RGS7: variants seen among roughly 807,000 people sequenced by gnomAD.
RGS7 encodes the protein regulator of G-protein signaling 7.
A neutral mutation model predicts 81.1 loss-of-function variants in RGS7; 27 were observed. The ratio of observed to expected loss-of-function variants is 0.33; its 90% confidence interval spans 0.25 to 0.46. The LOEUF (loss-of-function observed/expected upper bound fraction) is 0.46, where lower values mean the gene tolerates loss of function less well. Among genes scored for constraint, RGS7 ranks in the 20% least tolerant of loss-of-function variants. The pLI is 1.00. For synonymous variants in RGS7, 208 were observed against 207.7 expected (o/e 1.00, Z -0.01); for missense variants, 396 against 607.4 (o/e 0.65, Z 3.66).
intron 2 of RGS7, among the ~76,000 whole-genome samples, chr1:241,141,357 T>C (rs1438016055): frequency 1.3e-5 from 2 of 152,186 alleles, no homozygotes; most frequent in Admixed American, 6.5e-5. Context: ...CTGTCACAAA[T>C]GCCACACTCA....
chr1:241,145,974 A>C (rs1346902415), intron 2 of RGS7, among the ~76,000 whole-genome samples: 1 of 152,172 alleles, frequency 6.6e-6, no homozygotes, highest in African/African-American at 2.4e-5. Context: ...TAAGGGGAGA[A>C]GCAATGGCAT....
At chr1:241,324,572 C>T (rs1558317471) in intron 2 of RGS7, among the ~76,000 whole-genome samples, 1 of 152,154 alleles carries the variant, frequency 6.6e-6, no homozygotes, top group East Asian at 1.9e-4. Context: ...TTCACAGTCA[C>T]CTCTAATTAA....
At chr1:241,326,839 G>A (rs986411462) in intron 2 of RGS7, among the ~76,000 whole-genome samples, 1 of 150,206 alleles carries the variant, frequency 6.7e-6, no homozygotes, top group Admixed American at 6.7e-5. Context: ...GAGCCCAGGA[G>A]GTTGAGGCTG....
chr1:241,027,529 G>A (rs970817946), intron 3 of RGS7, among the ~76,000 whole-genome samples: 7 of 152,134 alleles, frequency 4.6e-5, no homozygotes, highest in South Asian at 2.1e-4. Context: ...CCCAGGGTGC[G>A]TGGTATATGT....
chr1:241,228,736 G>A (rs185376632), intron 2 of RGS7, among the ~76,000 whole-genome samples: 179 of 152,124 alleles, frequency 1.2e-3, no homozygotes, highest in Non-Finnish European at 2.0e-3. Flanking sequence ...GATCAAGCAC[G>A]GGGTAGTTAA....
At chr1:241,195,408 A>C (rs1291609250) in intron 2 of RGS7, among the ~76,000 whole-genome samples, 1 of 152,128 alleles carries the variant, frequency 6.6e-6, no homozygotes, top group Non-Finnish European at 1.5e-5. Flanking sequence ...CCCGGGAGGC[A>C]GAGGGTGCAG....
chr1:241,285,394 T>C (rs1465688997), intron 2 of RGS7, among the ~76,000 whole-genome samples: 1 of 152,222 alleles, frequency 6.6e-6, no homozygotes, highest in Non-Finnish European at 1.5e-5. Context: ...TCTTCTTTCA[T>C]GGCCTCCCTA....
intron 9 of RGS7, among the ~76,000 whole-genome samples, chr1:240,867,097 A>G (rs1663455461): frequency 6.6e-6 from 1 of 152,254 alleles, no homozygotes; most frequent in Non-Finnish European, 1.5e-5. Context: ...CATGAACAAT[A>G]AAACTCACAC....
intron 3 of RGS7, among the ~76,000 whole-genome samples, chr1:241,032,626 A>G (rs1195038382): frequency 1.3e-5 from 2 of 152,064 alleles, no homozygotes; most frequent in African/African-American, 4.8e-5. Context: ...ATAGTTTTTC[A>G]TTTGTTTGTG....
In RGS7 at chr1:241,144,926, G is replaced by GGTGTGTGT. The variant is rs58610723; in HGVS notation, c.79-46172_79-46165dup. On this transcript the variant is annotated intron_variant, in intron 2 of 18. Coordinates refer to ENST00000440928, the MANE Select transcript of RGS7 (RefSeq NM_001364886.1). The surrounding 1 kb of genome is among the most constrained non-coding windows in gnomAD (Gnocchi z 4.7). Reference sequence around the variant, plus strand: ...TCAGTATGTGTTGGCAGGGCAGGATGGTGTGTGTGTGTGTGTGTGTGTGTG... The same window carrying GGTGTGTGT: ...TCAGTATGTGTTGGCAGGGCAGGATGGTGTGTGTGTGTGTGTGTGTGTGTGTGTGTGTG... Among the ~76,000 whole-genome samples the GGTGTGTGT allele has an allele frequency of 4.5e-3, 643 of 141,962 alleles. 12 individuals carry two copies. Among genetic ancestry groups the GGTGTGTGT allele is most frequent in the African/African-American group, 0.016 (588 of 37,410 alleles). 93.1% of individuals were successfully genotyped at this position (141,962 alleles called of 152,430 possible).
At chr1:240,799,352 GT>G (rs10714860) in intron 18 of RGS7, among the ~76,000 whole-genome samples, 22,744 of 142,422 alleles carry the variant, frequency 0.16, 4,289 homozygotes, top group African/African-American at 0.46. Context: ...AATTCCAGTT[GT>G]TTTTTTTTTT....
chr1:240,783,274 C>T (rs1235047960), intron 18 of RGS7, among the ~76,000 whole-genome samples: 1 of 152,088 alleles, frequency 6.6e-6, no homozygotes, highest in Non-Finnish European at 1.5e-5. Flanking sequence ...ATGTATTTGT[C>T]CTTAACTTTT....
intron 4 of RGS7, among the ~76,000 whole-genome samples, 180 bp from the exon 5 acceptor site, chr1:240,936,886 C>T (rs949920286): frequency 6.6e-6 from 1 of 152,206 alleles, no homozygotes. Flanking sequence ...TTCTCCTAAG[C>T]TACCTGCTCT....
chr1:240,920,454 C>T, intron 6 of RGS7: 1 of 1,085,622 alleles, frequency 9.2e-7, no homozygotes, highest in Non-Finnish European at 1.4e-6. Flanking sequence ...TTACAACAAT[C>T]AATCTTCACA....
intron 2 of RGS7, among the ~76,000 whole-genome samples, chr1:241,129,614 A>G (rs7545620): frequency 0.12 from 17,865 of 152,244 alleles, 3,461 homozygotes; most frequent in African/African-American, 0.4. Context: ...AATCACCGGC[A>G]GAGAGAATAA....
chr1:241,143,710 A>T (rs953463519), intron 2 of RGS7, among the ~76,000 whole-genome samples: 1 of 152,174 alleles, frequency 6.6e-6, no homozygotes, highest in Non-Finnish European at 1.5e-5. Flanking sequence ...CCACTTATTT[A>T]TGTGAAATAC....
At chr1:240,981,829 T>C (rs914073314) in intron 4 of RGS7, among the ~76,000 whole-genome samples, 2 of 152,202 alleles carry the variant, frequency 1.3e-5, no homozygotes, top group African/African-American at 4.8e-5. Flanking sequence ...TAAAGCTAGC[T>C]TAAAATGAGA....
intron 2 of RGS7, among the ~76,000 whole-genome samples, chr1:241,199,395 G>C (rs535857337): frequency 6.6e-6 from 1 of 151,944 alleles, no homozygotes; most frequent in African/African-American, 2.4e-5. Flanking sequence ...CTGCACTCCA[G>C]CCTGGTGACA....
intron 4 of RGS7, among the ~76,000 whole-genome samples, chr1:240,973,794 G>A (rs560088108): frequency 1.3e-5 from 2 of 151,722 alleles, no homozygotes; most frequent in South Asian, 2.1e-4. Flanking sequence ...GGGTTTCACC[G>A]TGGTCTCGAT....
Sources: allele counts gnomAD v4.1 joint callset (sites outside exome capture counted in the v4.1 genomes callset), GRCh38; gene constraint gnomAD v4.1.1; non-coding constraint Gnocchi (gnomAD v3.1); transcripts MANE v1.5; gene names NCBI Gene and HGNC (gene_info 2026-07-23, HGNC 2026-07-21).